The following NTPCR variants were observed in gnomAD, a reference collection of about 807,000 sequenced individuals.
NTPCR encodes the protein cancer-related nucleoside-triphosphatase.
A neutral mutation model predicts 19.5 loss-of-function variants in NTPCR; 15 were observed. The observed-to-expected ratio is 0.77, with a 90% confidence interval of 0.51 to 1.18. The LOEUF (loss-of-function observed/expected upper bound fraction) is 1.18, where lower values mean the gene tolerates loss of function less well. Among genes scored for constraint, NTPCR ranks in the 50% most tolerant of loss-of-function variants. The probability of loss-of-function intolerance (pLI) is 0.00; values close to 1 mark genes in which losing one functional copy is unlikely to be tolerated. For synonymous variants in NTPCR, 90 were observed against 95.8 expected (o/e 0.94, Z 0.36); for missense variants, 206 against 240.4 (o/e 0.86, Z 0.95).
At chr1:232,955,896 A>G (rs1668499361) in intron 2 of NTPCR, among the ~76,000 whole-genome samples, 177 bp downstream of exon 2, 1 of 152,154 alleles carries the variant, frequency 6.6e-6, no homozygotes, top group African/African-American at 2.4e-5. Flanking sequence ...GGTTGAGCCA[A>G]ATGTTGTCAT....
At chr1:232,963,917 A>C (rs1668739253) in intron 3 of NTPCR, 1 of 151,736 alleles carries the variant, frequency 6.6e-6, no homozygotes, top group African/African-American at 2.4e-5. Context: ...ACTATTTGAG[A>C]ATACGTTGCA....
intron 1 of NTPCR, 70 bp from the exon 2 acceptor site, chr1:232,955,487 G>A: frequency 3.8e-6 from 5 of 1,304,454 alleles, no homozygotes; most frequent in Non-Finnish European, 4.1e-6. Flanking sequence ...CACAAGTGCT[G>A]TGTGTGCTCT....
At position 232,973,868 on chromosome 1, in the gene NTPCR, A is replaced by T. The variant is rs573025536; in HGVS notation, c.504+3750A>T. Among the ~76,000 whole-genome samples the T allele has an allele frequency of 1.5e-4, 23 of 152,366 alleles. No individual in the cohort carries two copies. In the East Asian group the frequency reaches 4.2e-3, roughly 28 times the overall value. Reference sequence around the variant, plus strand: ...AAGGTAGAACAATAGAAATTACCTGACAAAGAGCAGACTTAAAAGAAAAAG... The same window carrying T: ...AAGGTAGAACAATAGAAATTACCTGTCAAAGAGCAGACTTAAAAGAAAAAG... On this transcript the variant is annotated intron_variant, in intron 4 of 4. Coordinates refer to ENST00000366628, the MANE Select transcript of NTPCR (RefSeq NM_032324.3).
At chr1:232,957,059 G>A (rs1668530468) in intron 3 of NTPCR, among the ~76,000 whole-genome samples, 1 of 152,098 alleles carries the variant, frequency 6.6e-6, no homozygotes, top group South Asian at 2.1e-4. Context: ...TCACCATTAT[G>A]TATGATGTTA....
chr1:232,973,936 T>C (rs1340833317), intron 4 of NTPCR, among the ~76,000 whole-genome samples: 2 of 152,204 alleles, frequency 1.3e-5, no homozygotes, highest in Non-Finnish European at 2.9e-5. Context: ...TGTGGGACTA[T>C]AACAAAAGAT....
In NTPCR at chr1:232,983,481, G is replaced by T. The variant is rs1403020908; in HGVS notation, c.*5250G>T. On this transcript the variant is annotated 3_prime_UTR_variant, in exon 5 of 5. Transcript: ENST00000366628. ...CAAAAACAAAGGTGTGTGCGATGTT[G>T]TGTGCACAGTAAGGGTTGCGGGGCT... The T allele has an allele frequency of 6.6e-6, 1 of 152,252 alleles. No individual in the cohort carries two copies. Among genetic ancestry groups the T allele is most frequent in the Non-Finnish European group, 1.5e-5 (1 of 68,050 alleles). The allele number at this position is 152,252 out of a possible 1,614,324, so 9.4% of individuals were successfully genotyped here.
rs967041164 is a variant in NTPCR at position 232,980,603 on chromosome 1, G to T, written c.*2372G>T. On this transcript the variant is annotated 3_prime_UTR_variant, in exon 5 of 5. Transcript: ENST00000366628. ...TCATGGAGCATGTATGGAGATGTCA[G>T]ATGCAATCCCTGTATTGTAAGGCAA... is the stretch of plus-strand genomic sequence containing the variant. The T allele has an allele frequency of 2.0e-5, 3 of 152,210 alleles. No individual in the cohort carries two copies. Among genetic ancestry groups the T allele is most frequent in the African/African-American group, 7.2e-5 (3 of 41,442 alleles). 9.4% of individuals were successfully genotyped at this position (152,210 alleles called of 1,614,324 possible).
rs1207722893 is a variant in NTPCR, at chr1:232,981,634, CAT to C, written c.*3404_*3405del. On this transcript the variant is annotated 3_prime_UTR_variant, in exon 5 of 5. Coordinates refer to ENST00000366628, the MANE Select transcript of NTPCR (RefSeq NM_032324.3). The stretch of plus-strand genomic sequence containing the variant: ...AGAATCAATAATGCCAAATTGGCCA[CAT>C]GATTTATATAAAACCAAGTGCTATG... The C allele has an allele frequency of 6.6e-6, 1 of 151,166 alleles. No homozygotes were observed. The highest frequency in any genetic ancestry group is 1.5e-5 in the Non-Finnish European group (1 of 67,880). 9.4% of individuals were successfully genotyped at this position (151,166 alleles called of 1,614,324 possible). A position where few individuals can be genotyped will look rare whatever the true frequency, so the allele number is the denominator to read the frequency against.
chr1:232,972,841 C>G (rs1048035438), intron 4 of NTPCR, among the ~76,000 whole-genome samples: 3 of 152,220 alleles, frequency 2.0e-5, no homozygotes, highest in Admixed American at 6.5e-5. Flanking sequence ...GAGTGCCCTT[C>G]ACATTCAGTA....
In NTPCR at chr1:232,955,678, C is replaced by T. The variant is rs760610550; in HGVS notation, c.156C>T (p.Val52=). 3.8e-5 allele frequency: 61 copies of T among 1,613,898 alleles called. No individual in the cohort carries two copies. The highest frequency in any genetic ancestry group is 1.6e-4 in the East Asian group (7 of 44,860). Residue 52 remains valine (V), a synonymous_variant, in exon 2 of 5, where the codon GTC becomes GTT. Transcript: ENST00000366628. ...RQGGRRIGFD[V]VTLSGTRGPL... ...GAGGGAGAAGAATAGGATTCGATGT[C>T]GTCACGTTGTCCGGCACCCGGGGGC...
At chr1:232,954,937 G>C (rs1668472367) in intron 1 of NTPCR, among the ~76,000 whole-genome samples, 1 of 152,186 alleles carries the variant, frequency 6.6e-6, no homozygotes, top group Non-Finnish European at 1.5e-5. Flanking sequence ...AATGCTTAGA[G>C]ACCCTGGAGA....
chr1:232,951,157 C>T (rs756121670), intron 1 of NTPCR: 3 of 167,308 alleles, frequency 1.8e-5, no homozygotes, highest in Non-Finnish European at 3.8e-5. Flanking sequence ...TGGGTCTTTG[C>T]TACATTGATC....
At chr1:232,963,012 A>T (rs1010506671) in intron 3 of NTPCR, 3 of 152,328 alleles carry the variant, frequency 2.0e-5, no homozygotes, top group East Asian at 3.9e-4. Flanking sequence ...TCCATTCTTG[A>T]AAGATTGACA....
At chr1:232,958,977 G>GT (rs1246576249) in intron 3 of NTPCR, among the ~76,000 whole-genome samples, 1 of 152,144 alleles carries the variant, frequency 6.6e-6, no homozygotes, top group East Asian at 1.9e-4. Context: ...GCATAAATCT[G>GT]TTTTTTAATT....
Position 232,981,071 on chromosome 1 carries a change from T to A in NTPCR, c.*2840T>A, listed in dbSNP as rs1157241349. ...TCGGATGGGAGGAATCAGGACTGAT[T>A]TGAAGCACGATTTACTAAATCATTC... On this transcript the variant is annotated 3_prime_UTR_variant, in exon 5 of 5. Coordinates refer to ENST00000366628, the MANE Select transcript of NTPCR (RefSeq NM_032324.3). 1 of 152,220 alleles carries A rather than the reference T, an allele frequency of 6.6e-6. No individual in the cohort carries two copies. The highest frequency in any genetic ancestry group is 2.4e-5 in the African/African-American group (1 of 41,444). The allele number at this position is 152,220 out of a possible 1,614,324, so 9.4% of individuals were successfully genotyped here. A position where few individuals can be genotyped will look rare whatever the true frequency, so the allele number is the denominator to read the frequency against.
chr1:232,967,761 AAT>A (rs1668859721), intron 3 of NTPCR: 1 of 152,172 alleles, frequency 6.6e-6, no homozygotes, highest in Non-Finnish European at 1.5e-5. Context: ...GAGGTGCCAG[AAT>A]AAGTTTTATT....
intron 3 of NTPCR, chr1:232,962,551 G>A (rs893424050): frequency 3.3e-5 from 5 of 152,290 alleles, no homozygotes; most frequent in African/African-American, 1.2e-4. Context: ...TGCAATGTAA[G>A]ATGTAACATT....
rs1421927593 is a variant in NTPCR at position 232,970,084 on chromosome 1, A to C, written c.470A>C (p.Glu157Ala). ...GGAAAGCCACTGGCTCTTGTAGAAG[A>C]AATCAGAAACAGAAAGGATGTGAAG... ...PKGKPLALVE[E>A]IRNRKDVKVF... is the part of the protein sequence containing the mutation. Residue 157 changes from glutamate (E) to alanine (A), a missense_variant, in exon 4 of 5, where the codon GAA becomes GCA. Transcript: ENST00000366628. The C allele has an allele frequency of 1.2e-6, 2 of 1,614,120 alleles. No individual in the cohort carries two copies. The highest frequency in any genetic ancestry group is 1.7e-6 in the Non-Finnish European group (2 of 1,180,024).
intron 4 of NTPCR, 112 bp from the exon 5 acceptor site, chr1:232,978,051 C>A: frequency 1.2e-6 from 1 of 827,124 alleles, no homozygotes; most frequent in Non-Finnish European, 1.9e-6. Context: ...GGTAACAAAA[C>A]ATACCTCACC....
Sources: gnomAD v4.1 joint callset for allele counts (sites outside exome capture counted in the v4.1 genomes callset) on GRCh38, gnomAD v4.1.1 for gene constraint, MANE v1.5 for transcripts, NCBI Gene and HGNC (gene_info 2026-07-23, HGNC 2026-07-21) for gene names.